The following PPP3CA variants were observed in gnomAD, a reference collection of about 807,000 sequenced individuals.
PPP3CA encodes protein phosphatase 3 catalytic subunit alpha.
A neutral mutation model predicts 66.5 loss-of-function variants in PPP3CA; 14 were observed. The observed-to-expected ratio is 0.21, with a 90% CI of 0.14 to 0.33. PPP3CA has a LOEUF of 0.33. Ranked by LOEUF, PPP3CA falls within the 10% of genes least tolerant of loss-of-function variation. The pLI is 1.00. For synonymous variants in PPP3CA, 232 were observed against 226.2 expected, an observed-to-expected ratio of 1.03 and a Z score of -0.23; for missense variants, 317 against 639.5, an observed-to-expected ratio of 0.50 and a Z score of 5.44.
chr4:101,252,922 C>A (rs1231257182), intron 1 of PPP3CA, among the ~76,000 whole-genome samples: 2 of 152,162 alleles, frequency 1.3e-5, no homozygotes, highest in Non-Finnish European at 2.9e-5. Flanking sequence ...AGGCTGTTAG[C>A]CAGCTGCTGA....
chr4:101,098,580 T>C lies in PPP3CA; in HGVS notation c.497-68A>G, dbSNP rs1001749910. On this transcript the variant is annotated intron_variant, in intron 4 of 13. Coordinates refer to ENST00000394854, the MANE Select transcript of PPP3CA (RefSeq NM_000944.5). ...GATCATTTCACTGAAATAGTTTTGG[T>C]TTTTTGAGAAGTTTTCTTGCTAGGA... The C allele has an allele frequency of 2.0e-6, 3 of 1,468,638 alleles. No individual in the cohort carries two copies. In the African/African-American group the frequency reaches 4.4e-5, roughly 22 times the overall value. The allele number at this position is 1,468,638 out of a possible 1,614,324, so 91.0% of individuals were successfully genotyped here.
chr4:101,323,130 G>C (rs1299161435), intron 1 of PPP3CA, among the ~76,000 whole-genome samples: 3 of 152,100 alleles, frequency 2.0e-5, no homozygotes, highest in Non-Finnish European at 4.4e-5. Context: ...GTCCCTTGAA[G>C]GGCCCACATT....
At chr4:101,101,346 C>T (rs1730433035) in intron 3 of PPP3CA, among the ~76,000 whole-genome samples, 1 of 152,074 alleles carries the variant, frequency 6.6e-6, no homozygotes, top group Non-Finnish European at 1.5e-5. Context: ...GTTTGTATTA[C>T]TCAAGCTTGT....
chr4:101,105,399 T>C (rs529870529), intron 3 of PPP3CA, among the ~76,000 whole-genome samples: 1 of 151,840 alleles, frequency 6.6e-6, no homozygotes, highest in South Asian at 2.1e-4. Context: ...TCTCTTGACC[T>C]CGTGATCTGT....
At chr4:101,329,375 A>C (rs796289332) in intron 1 of PPP3CA, among the ~76,000 whole-genome samples, 7 of 152,350 alleles carry the variant, frequency 4.6e-5, no homozygotes, top group African/African-American at 1.7e-4. Flanking sequence ...GTTGGAAATT[A>C]GCAGAAGTTG....
chr4:101,259,338 A>ATCAT (rs945655261), intron 1 of PPP3CA, among the ~76,000 whole-genome samples: 17 of 109,814 alleles, frequency 1.5e-4, no homozygotes, highest in Admixed American at 6.8e-4. Flanking sequence ...CAGGAAGGCA[A>ATCAT]TCATTCATTC....
At chr4:101,114,977 G>A (rs539746486) in intron 2 of PPP3CA, among the ~76,000 whole-genome samples, 7 of 152,052 alleles carry the variant, frequency 4.6e-5, no homozygotes, top group African/African-American at 1.7e-4. Flanking sequence ...ATTAACGTGT[G>A]TGTCTATGTG....
intron 1 of PPP3CA, among the ~76,000 whole-genome samples, chr4:101,297,381 C>T (rs1728230133): frequency 6.6e-6 from 1 of 152,172 alleles, no homozygotes; most frequent in African/African-American, 2.4e-5. Context: ...AATCATTTAC[C>T]ATGTCCTAAG....
intron 2 of PPP3CA, among the ~76,000 whole-genome samples, chr4:101,165,646 T>C (rs576820592): frequency 6.6e-6 from 1 of 152,310 alleles, no homozygotes; most frequent in East Asian, 1.9e-4. Context: ...AATACTTACA[T>C]GTGTACATCA....
chr4:101,175,879 A>T (rs1724043153), intron 2 of PPP3CA, among the ~76,000 whole-genome samples: 1 of 152,210 alleles, frequency 6.6e-6, no homozygotes, highest in Non-Finnish European at 1.5e-5. Context: ...AACTGAAAAC[A>T]TTCTATTTTA....
intron 1 of PPP3CA, among the ~76,000 whole-genome samples, chr4:101,214,564 C>T (rs1725401126): frequency 6.6e-6 from 1 of 152,054 alleles, no homozygotes; most frequent in Admixed American, 6.6e-5. Flanking sequence ...GCTTTCTGCA[C>T]TGATCATTGT....
chr4:101,304,749 TCAA>T (rs1440731714), intron 1 of PPP3CA, among the ~76,000 whole-genome samples: 1 of 152,220 alleles, frequency 6.6e-6, no homozygotes, highest in African/African-American at 2.4e-5. Context: ...AAACTTCTAT[TCAA>T]TTATTTATCA....
At chr4:101,295,143 T>C (rs542144499) in intron 1 of PPP3CA, among the ~76,000 whole-genome samples, 33 of 148,650 alleles carry the variant, frequency 2.2e-4, no homozygotes, top group African/African-American at 7.7e-4. Context: ...CTACTAAAAA[T>C]ACAAAAAATT....
intron 1 of PPP3CA, among the ~76,000 whole-genome samples, chr4:101,320,777 G>C (rs1345548798): frequency 6.6e-6 from 1 of 152,062 alleles, no homozygotes; most frequent in Non-Finnish European, 1.5e-5. Flanking sequence ...CCTGATCCAG[G>C]AGTAGGCATA....
intron 1 of PPP3CA, among the ~76,000 whole-genome samples, chr4:101,245,788 T>C (rs1239930787): frequency 1.3e-5 from 2 of 152,018 alleles, no homozygotes; most frequent in African/African-American, 4.8e-5. Context: ...TGTCCCTTCT[T>C]GGATTCTCAC....
chr4:101,152,992 G>C (rs1174392851), intron 2 of PPP3CA, among the ~76,000 whole-genome samples: 1 of 152,116 alleles, frequency 6.6e-6, no homozygotes. Context: ...GGGTCAAAGG[G>C]GAGCTTAACA....
chr4:101,056,419 G>C (rs1194424343), intron 10 of PPP3CA, among the ~76,000 whole-genome samples: 1 of 152,128 alleles, frequency 6.6e-6, no homozygotes, highest in East Asian at 1.9e-4. Context: ...GACAGATTCT[G>C]AAGGAAATGA....
intron 1 of PPP3CA, among the ~76,000 whole-genome samples, chr4:101,285,795 T>C (rs370498901): frequency 6.6e-6 from 1 of 152,126 alleles, no homozygotes; most frequent in Admixed American, 6.5e-5. Flanking sequence ...CATTAATCAA[T>C]ACTAGTGTGA....
Position 101,216,584 on chromosome 4 carries a change from G to A in PPP3CA, c.59-20468C>T, listed in dbSNP as rs1353986748. Among the ~76,000 whole-genome samples the A allele has an allele frequency of 2.0e-5, 3 of 152,082 alleles. No homozygotes were observed. The South Asian group carries it at 6.2e-4, about 32-fold the overall frequency. Reference sequence around the variant, plus strand: ...GACAGGGTGTCGCTCTGTTGCCCAGGCTGAATTCAGCAGCGCAATCTCATT... The same window carrying A: ...GACAGGGTGTCGCTCTGTTGCCCAGACTGAATTCAGCAGCGCAATCTCATT... On this transcript the variant is annotated intron_variant, in intron 1 of 13. Transcript: ENST00000394854.
Sources: allele counts gnomAD v4.1 joint callset (sites outside exome capture counted in the v4.1 genomes callset), GRCh38; gene constraint gnomAD v4.1.1; transcripts MANE v1.5; gene names NCBI Gene and HGNC (gene_info 2026-07-23, HGNC 2026-07-21).